The following KIF11 variants were observed in gnomAD, a reference collection of about 807,000 sequenced individuals.
KIF11 encodes the protein kinesin-like protein KIF11.
A neutral mutation model predicts 121.0 loss-of-function variants in KIF11; 9 were observed. The ratio of observed to expected loss-of-function variants is 0.07; its 90% CI spans 0.04 to 0.13. The LOEUF (loss-of-function observed/expected upper bound fraction) is 0.13, where lower values mean the gene tolerates loss of function less well. KIF11 is among the 10% of genes least tolerant of loss of function. The pLI is 1.00. For missense variants in KIF11, 846 were observed against 1,217.5 expected, an observed-to-expected ratio of 0.69 and a Z score of 4.54; for synonymous variants, 408 against 421.0, an observed-to-expected ratio of 0.97 and a Z score of 0.38.
At chr10:92,621,006 T>C (rs373531231) in intron 9 of KIF11, among the ~76,000 whole-genome samples, 3 of 152,246 alleles carry the variant, frequency 2.0e-5, no homozygotes, top group East Asian at 1.9e-4. Context: ...TTGCTTAGCT[T>C]ATTTCCTTGT....
In KIF11 at chr10:92,628,788, CATATT is replaced by C. The variant is rs759852489; in HGVS notation, c.1218-18_1218-14del. ...AGAAAAAAATATTAACTGTTAAACT[CATATT>C]AAACTTTATTTTAGAGTCATGAGTG... On this transcript the variant is annotated splice_polypyrimidine_tract_variant and intron_variant, in intron 10 of 21. Transcript: ENST00000260731. 3 of 1,327,062 alleles carry C rather than the reference CATATT, an allele frequency of 2.3e-6. No individual in the cohort carries two copies. Among genetic ancestry groups the C allele is most frequent in the Non-Finnish European group, 3.2e-6 (3 of 933,478 alleles). The allele number at this position is 1,327,062 out of a possible 1,614,324, so 82.2% of individuals were successfully genotyped here. A position where few individuals can be genotyped will look rare whatever the true frequency, so the allele number is the denominator to read the frequency against.
At chr10:92,638,656 A>G (rs754807623) in intron 16 of KIF11, among the ~76,000 whole-genome samples, 14 of 152,210 alleles carry the variant, frequency 9.2e-5, no homozygotes, top group Admixed American at 4.6e-4. Context: ...TATGTGAGCT[A>G]TTTCTTAGGT....
Position 92,612,162 on chromosome 10 carries a change from G to A in KIF11, c.699-878G>A, listed in dbSNP as rs192601796. 1.2e-3 allele frequency among the ~76,000 whole-genome samples: 183 copies of A among 150,560 alleles called. 1 individual carries two copies. The highest frequency in any genetic ancestry group is 4.3e-3 in the African/African-American group (175 of 40,874). ...TTGTGATTTTTTTTTTTGAGACAGC[G>A]TCTCACTTTGTCACCCAGGCTGGAG... is the stretch of plus-strand genomic sequence containing the variant. On this transcript the variant is annotated intron_variant, in intron 6 of 21. Transcript: ENST00000260731.
intron 1 of KIF11, among the ~76,000 whole-genome samples, chr10:92,600,834 A>G (rs1844361026): frequency 6.6e-6 from 1 of 151,604 alleles, no homozygotes; most frequent in African/African-American, 2.4e-5. Flanking sequence ...TAATCTGCAG[A>G]CAGATAATTT....
intron 10 of KIF11, among the ~76,000 whole-genome samples, chr10:92,625,695 T>G (rs944545114): frequency 2.6e-5 from 4 of 152,102 alleles, no homozygotes; most frequent in African/African-American, 9.7e-5. Context: ...TCTCTGTCCA[T>G]AAGCTCCTAG....
At position 92,616,796 on chromosome 10, in the gene KIF11, A is replaced by G; in HGVS notation, c.1092A>G (p.Glu364=). Residue 364 remains glutamate, a synonymous_variant, in exon 9 of 22, where the codon GAA becomes GAG. Coordinates refer to ENST00000260731, the MANE Select transcript of KIF11 (RefSeq NM_004523.4). ...CAAAGAACATATTGAATAAGCCTGA[A>G]GTGAATCAGAAACTCACCAAAAAAG... ...HRAKNILNKP[E]VNQKLTKKAL... 3 of 1,605,766 alleles carry G rather than the reference A, an allele frequency of 1.9e-6. No individual in the cohort carries two copies. Among genetic ancestry groups the G allele is most frequent in the Non-Finnish European group, 2.6e-6 (3 of 1,175,462 alleles).
chr10:92,614,996 A>G (rs1191738521), intron 8 of KIF11, among the ~76,000 whole-genome samples: 1 of 151,944 alleles, frequency 6.6e-6, no homozygotes, highest in Admixed American at 6.5e-5. Context: ...AGGTCTCACT[A>G]TGTTGCCCAG....
chr10:92,599,524 CA>C (rs377476272), intron 1 of KIF11, among the ~76,000 whole-genome samples: 113 of 92,386 alleles, frequency 1.2e-3, no homozygotes, highest in Admixed American at 1.5e-3. Context: ...GACTCTGTCT[CA>C]AAAAAAAAAA....
At chr10:92,651,061 G>A (rs940486117) in intron 21 of KIF11, among the ~76,000 whole-genome samples, 4 of 151,470 alleles carry the variant, frequency 2.6e-5, no homozygotes, top group African/African-American at 9.7e-5. Context: ...TTTTGAGACT[G>A]AGTCACCCAG....
Position 92,613,781 on chromosome 10 carries a change from C to T in KIF11, c.1032+162C>T, listed in dbSNP as rs1844520949. On this transcript the variant is annotated intron_variant, in intron 8 of 21. Transcript: ENST00000260731. The surrounding 1 kb of genome is among the most constrained non-coding windows in gnomAD (Gnocchi z 4.2). ...GGCGGATCACTTGAGCTTAGGAGTG[C>T]CTGGGCAACATGCCGAAACCCTGTC... Among the ~76,000 whole-genome samples the T allele has an allele frequency of 6.6e-6, 1 of 152,006 alleles. No homozygotes were observed. Among genetic ancestry groups the T allele is most frequent in the Non-Finnish European group, 1.5e-5 (1 of 68,014 alleles).
At chr10:92,635,532 T>C (rs1844786300) in intron 14 of KIF11, among the ~76,000 whole-genome samples, 1 of 152,218 alleles carries the variant, frequency 6.6e-6, no homozygotes, top group Admixed American at 6.5e-5. Flanking sequence ...ATCAGTTACA[T>C]TTGCTGTCTT....
intron 2 of KIF11, 57 bp from the exon 3 acceptor site, chr10:92,606,562 A>AT: frequency 1.6e-6 from 2 of 1,275,872 alleles, no homozygotes; most frequent in South Asian, 2.7e-5. Context: ...GAAAAACAAA[A>AT]TTATTAAAAT....
In KIF11 at chr10:92,594,849, A is replaced by C. The variant is rs556985310; in HGVS notation, c.77+1397A>C. On this transcript the variant is annotated intron_variant, in intron 1 of 21. Coordinates refer to ENST00000260731, the MANE Select transcript of KIF11 (RefSeq NM_004523.4). ...AGTTCTTTGCTTGTGTCTAATATTTACAATAATTTTTGTGTAAAGAGATTT... is the reference window on the plus strand; with the variant it reads ...AGTTCTTTGCTTGTGTCTAATATTTCCAATAATTTTTGTGTAAAGAGATTT... Among the ~76,000 whole-genome samples, 99 of 151,466 alleles carry C rather than the reference A, an allele frequency of 6.5e-4. 1 individual carries two copies. The South Asian group carries it at 0.02, about 30-fold the overall frequency.
At chr10:92,632,856 A>T (rs1403589226) in intron 13 of KIF11, among the ~76,000 whole-genome samples, 163 bp downstream of exon 13, 1 of 152,202 alleles carries the variant, frequency 6.6e-6, no homozygotes, top group Non-Finnish European at 1.5e-5. Context: ...TCTTTGAATT[A>T]AAACAAATCT....
At chr10:92,639,318 T>C (rs1162372469) in intron 16 of KIF11, among the ~76,000 whole-genome samples, 1 of 152,334 alleles carries the variant, frequency 6.6e-6, no homozygotes, top group East Asian at 1.9e-4. Context: ...CTGGATGTGA[T>C]GGCTCATGTC....
intron 16 of KIF11, 139 bp from the exon 17 acceptor site, chr10:92,639,655 G>A (rs1486190853): frequency 3.6e-6 from 2 of 556,178 alleles, no homozygotes; most frequent in Non-Finnish European, 6.4e-6. Context: ...GTAGAAGAAA[G>A]GTAAAGTTAA....
chr10:92,629,664 A>G (rs7068540), intron 11 of KIF11, among the ~76,000 whole-genome samples: 11,744 of 152,156 alleles, frequency 0.077, 1,058 homozygotes, highest in African/African-American at 0.21. Flanking sequence ...CCCAGGCTAC[A>G]GTGCAGTGGT....
At chr10:92,635,150 A>G (rs1470936933) in intron 14 of KIF11, among the ~76,000 whole-genome samples, 1 of 152,112 alleles carries the variant, frequency 6.6e-6, no homozygotes, top group African/African-American at 2.4e-5. Flanking sequence ...CAGCTTAACA[A>G]TATTTATTAA....
At chr10:92,638,856 TATTCAGAG>T (rs1844381447) in intron 16 of KIF11, among the ~76,000 whole-genome samples, 1 of 152,240 alleles carries the variant, frequency 6.6e-6, no homozygotes, top group South Asian at 2.1e-4. Flanking sequence ...ACTGATGTGT[TATTCAGAG>T]ATACTGGCCA....
Sources: gnomAD v4.1 joint callset for allele counts (sites outside exome capture counted in the v4.1 genomes callset) on GRCh38, gnomAD v4.1.1 for gene constraint, Gnocchi (gnomAD v3.1) non-coding constraint, MANE v1.5 for transcripts, NCBI Gene and HGNC (gene_info 2026-07-23, HGNC 2026-07-21) for gene names.